Variants in TULP4 observed in about 807,000 individuals in gnomAD.
TULP4 encodes TUB like protein 4.
TULP4 carries 16 observed loss-of-function variants against 129.0 expected under a neutral mutation model. The ratio of observed to expected loss-of-function variants is 0.12; its 90% CI spans 0.08 to 0.19. The LOEUF is 0.19. TULP4 is among the 10% of genes least tolerant of loss of function. TULP4 has a pLI of 1.00. For missense variants in TULP4, 1,842 were observed against 2,059.1 expected (o/e 0.89, Z 2.04); for synonymous variants, 998 against 854.0 (o/e 1.17, Z -2.94).
chr6:158,399,333 T>G (rs980125740), intron 1 of TULP4, among the ~76,000 whole-genome samples: 1 of 152,364 alleles, frequency 6.6e-6, no homozygotes, highest in East Asian at 1.9e-4. Flanking sequence ...GAGTTCTGTT[T>G]CAGCATTTTA....
intron 5 of TULP4, among the ~76,000 whole-genome samples, chr6:158,452,686 T>C (rs1339314174): frequency 1.3e-5 from 2 of 152,246 alleles, no homozygotes; most frequent in South Asian, 2.1e-4. Flanking sequence ...GACAGTCTTA[T>C]TAAGGAACTG....
intron 4 of TULP4, among the ~76,000 whole-genome samples, chr6:158,451,478 C>G (rs1004282808): frequency 2.0e-5 from 3 of 152,200 alleles, no homozygotes; most frequent in Non-Finnish European, 4.4e-5. Context: ...CTTACTTTTG[C>G]TTTTTCAAAC....
At chr6:158,315,837 A>T (rs1779479021) in intron 1 of TULP4, among the ~76,000 whole-genome samples, 1 of 152,196 alleles carries the variant, frequency 6.6e-6, no homozygotes, top group Non-Finnish European at 1.5e-5. Context: ...CCTTGGGCCT[A>T]TCTTACAAGG....
chr6:158,367,303 A>G (rs1031586433), intron 1 of TULP4, among the ~76,000 whole-genome samples: 2 of 152,220 alleles, frequency 1.3e-5, no homozygotes, highest in Non-Finnish European at 2.9e-5. Flanking sequence ...AGGGGACTCA[A>G]GAGGGTAGGA....
chr6:158,283,053 C>T (rs370311075), intron 1 of TULP4, among the ~76,000 whole-genome samples: 4 of 151,492 alleles, frequency 2.6e-5, no homozygotes, highest in East Asian at 3.9e-4. Context: ...GCAGGAGAAT[C>T]GCTTGAATCC....
chr6:158,505,823 G>T (rs1271094203), intron 13 of TULP4, among the ~76,000 whole-genome samples: 5 of 151,812 alleles, frequency 3.3e-5, no homozygotes, highest in Non-Finnish European at 7.4e-5. Context: ...CCTAGGTGAA[G>T]AAACCACTTC....
intron 9 of TULP4, among the ~76,000 whole-genome samples, chr6:158,491,333 TGTC>T (rs1206317467): frequency 1.3e-5 from 2 of 152,252 alleles, no homozygotes; most frequent in Non-Finnish European, 2.9e-5. Context: ...TTTTGTGAAG[TGTC>T]TGTTCAAGTC....
chr6:158,413,251 A>G lies in TULP4; in HGVS notation c.381+58A>G. The G allele has an allele frequency of 1.9e-6, 3 of 1,550,068 alleles. No homozygotes were observed. The highest frequency in any genetic ancestry group is 2.6e-6 in the Non-Finnish European group (3 of 1,142,048). On this transcript the variant is annotated intron_variant, in intron 2 of 13. Coordinates refer to ENST00000367097, the MANE Select transcript of TULP4 (RefSeq NM_020245.5). This position sits in a 1 kb window ranked among gnomAD's most constrained non-coding sequence, Gnocchi z 4.9. ...GCTGCGGGGTAGAGGACTCCCAGAC[A>G]GGCATTCCGGAGCCAGTGCGTTAGC...
At chr6:158,307,511 T>A (rs1454107336), upstream of TULP4, among the ~76,000 whole-genome samples, 1 of 152,184 alleles carries the variant, frequency 6.6e-6, no homozygotes, top group African/African-American at 2.4e-5. Context: ...TGAGACGGAG[T>A]CTCACTGTCA....
chr6:158,482,263 A>G (rs1174280242), intron 8 of TULP4, among the ~76,000 whole-genome samples: 1 of 152,146 alleles, frequency 6.6e-6, no homozygotes, highest in East Asian at 1.9e-4. Flanking sequence ...AGTCACCCCA[A>G]GTCACAGTGT....
chr6:158,403,790 G>A (rs950030861), intron 1 of TULP4, among the ~76,000 whole-genome samples: 1 of 152,156 alleles, frequency 6.6e-6, no homozygotes, highest in African/African-American at 2.4e-5. Flanking sequence ...ATATCTTGTA[G>A]TCAGTCAGCT....
At chr6:158,277,169 G>C (rs1426027274) in intron 1 of TULP4, among the ~76,000 whole-genome samples, 1 of 152,118 alleles carries the variant, frequency 6.6e-6, no homozygotes, top group Non-Finnish European at 1.5e-5. Context: ...TCAAACTCCT[G>C]GGCTCAAGCA....
chr6:158,429,914 G>A lies in TULP4; in HGVS notation c.543+17G>A, dbSNP rs1025151782. 3 of 1,611,618 alleles carry A rather than the reference G, an allele frequency of 1.9e-6. No homozygotes were observed. The African/African-American group carries it at 4.0e-5, about 21-fold the overall frequency. On this transcript the variant is annotated intron_variant, in intron 3 of 13. Coordinates refer to ENST00000367097, the MANE Select transcript of TULP4 (RefSeq NM_020245.5). ...GACCAACAGGTAACACTTCTGAAAT[G>A]TGGTGGGTGTGTGACGTTAAAACCA... is the stretch of plus-strand genomic sequence containing the variant.
intron 10 of TULP4, 66 bp from the exon 11 acceptor site, chr6:158,494,687 T>A: frequency 7.0e-7 from 1 of 1,429,490 alleles, no homozygotes; most frequent in Non-Finnish European, 9.8e-7. Flanking sequence ...ACATTCTTAC[T>A]GAGTGACCAG....
chr6:158,449,946 T>C (rs1779130460), intron 4 of TULP4, among the ~76,000 whole-genome samples: 1 of 152,206 alleles, frequency 6.6e-6, no homozygotes, highest in Non-Finnish European at 1.5e-5. Flanking sequence ...TCGATACACA[T>C]AATGTATAGT....
chr6:158,282,642 A>G (rs569200521), intron 1 of TULP4, among the ~76,000 whole-genome samples: 3 of 151,352 alleles, frequency 2.0e-5, no homozygotes, highest in African/African-American at 4.8e-5. Flanking sequence ...TTGTGTACCT[A>G]TAGGGCATGG....
Position 158,504,124 on chromosome 6 carries a change from G to A in TULP4, c.4461G>A (p.Gly1487=), listed in dbSNP as rs1413526703. 1.2e-6 allele frequency: 2 copies of A among 1,608,436 alleles called. No homozygotes were observed. Among genetic ancestry groups the A allele is most frequent in the Admixed American group, 1.7e-5 (1 of 59,142 alleles). Residue 1487 remains glycine (G), a synonymous_variant, in exon 13 of 14, where the codon GGG becomes GGA. Transcript: ENST00000367097. ...ATQVYQLDFG[G]RVTQESAKNF... is the part of the protein sequence containing the mutation. ...AGGTCTACCAGCTGGACTTCGGGGG[G>A]CGGGTGACCCAGGAGTCCGCCAAGA... is the stretch of plus-strand genomic sequence containing the variant.
Position 158,469,854 on chromosome 6 carries a change from T to G in TULP4, c.1026+8125T>G, listed in dbSNP as rs192158005. On this transcript the variant is annotated intron_variant, in intron 6 of 13. Coordinates refer to ENST00000367097, the MANE Select transcript of TULP4 (RefSeq NM_020245.5). ...GGAAGGAGATGGAAGAGGAATGTCA[T>G]AGAGAGCTGTTACCAGGGGTCCTTG... Among the ~76,000 whole-genome samples, 609 of 151,940 alleles carry G rather than the reference T, an allele frequency of 4.0e-3. 5 individuals carry two copies. The highest frequency in any genetic ancestry group is 0.014 in the African/African-American group (582 of 41,444).
chr6:158,480,023 C>A, intron 7 of TULP4, 48 bp downstream of exon 7: 1 of 1,454,198 alleles, frequency 6.9e-7, no homozygotes, highest in Non-Finnish European at 9.4e-7. Context: ...CCTGTGCTGG[C>A]TCCCCACAGA....
Sources: allele counts gnomAD v4.1 joint callset (sites outside exome capture counted in the v4.1 genomes callset), GRCh38; gene constraint gnomAD v4.1.1; non-coding constraint Gnocchi (gnomAD v3.1); transcripts MANE v1.5; gene names NCBI Gene and HGNC (gene_info 2026-07-23, HGNC 2026-07-21).